The following ALPL variants were observed in gnomAD, a reference collection of about 807,000 sequenced individuals.
ALPL encodes alkaline phosphatase, tissue-nonspecific isozyme.
Under a neutral mutation model 51.3 loss-of-function variants are expected in ALPL, and 42 were observed. That is an observed-to-expected ratio of 0.82 (90% CI 0.64 to 1.06). ALPL has a LOEUF of 1.06. Ranked by LOEUF, ALPL falls within the 50% of genes least tolerant of loss-of-function variation. ALPL has a pLI of 0.00. For synonymous variants in ALPL, 279 were observed against 296.4 expected (o/e 0.94, Z 0.60); for missense variants, 589 against 709.4 (o/e 0.83, Z 1.93).
intron 1 of ALPL, among the ~76,000 whole-genome samples, chr1:21,532,719 T>A (rs915967265): frequency 5.9e-5 from 9 of 152,214 alleles, no homozygotes; most frequent in African/African-American, 2.4e-5. Flanking sequence ...TTCTGGACCT[T>A]GGCATGGGCT....
At chr1:21,563,921 G>A (rs923151578) in intron 5 of ALPL, 120 bp from the exon 6 acceptor site, 83 of 1,322,302 alleles carry the variant, frequency 6.3e-5, no homozygotes, top group Middle Eastern at 2.4e-4. Context: ...ACTGAGACCC[G>A]GGCAATCCTC....
intron 2 of ALPL, among the ~76,000 whole-genome samples, chr1:21,557,225 G>A (rs1189498540): frequency 6.6e-6 from 1 of 152,232 alleles, no homozygotes; most frequent in Non-Finnish European, 1.5e-5. Flanking sequence ...GTCTCCATCT[G>A]TCCAGTGGGG....
At chr1:21,567,092 A>C (rs1309956233) in intron 6 of ALPL, among the ~76,000 whole-genome samples, 1 of 152,126 alleles carries the variant, frequency 6.6e-6, no homozygotes, top group Non-Finnish European at 1.5e-5. Flanking sequence ...CCCCCTGTGC[A>C]TTCCACAAAA....
At chr1:21,572,814 C>T (rs535082150) in intron 8 of ALPL, among the ~76,000 whole-genome samples, 31 of 152,248 alleles carry the variant, frequency 2.0e-4, no homozygotes, top group South Asian at 8.3e-4. Flanking sequence ...AGTGAGAAAA[C>T]GGAGCCCAGT....
chr1:21,564,153 G>A lies in ALPL; in HGVS notation c.585G>A (p.Glu195=). ...DWYSDNEMPP[E]ALSQGCKDIA... is the part of the protein sequence containing the mutation. ...ACTCAGACAACGAGATGCCCCCTGAGGCCTTGAGCCAGGGCTGTAAGGACA... is the reference window on the plus strand; with the variant it reads ...ACTCAGACAACGAGATGCCCCCTGAAGCCTTGAGCCAGGGCTGTAAGGACA... The change falls in exon 6 of 12, where the codon GAG becomes GAA. Residue 195 remains glutamate (E), a synonymous_variant. Coordinates refer to ENST00000374840, the MANE Select transcript of ALPL (RefSeq NM_000478.6). This position sits in a 1 kb window ranked among gnomAD's most constrained non-coding sequence, Gnocchi z 5.8. The A allele has an allele frequency of 6.2e-7, 1 of 1,614,092 alleles. No individual in the cohort carries two copies. The highest frequency in any genetic ancestry group is 8.5e-7 in the Non-Finnish European group (1 of 1,180,020).
chr1:21,560,886 G>A (rs1644475100), intron 3 of ALPL, 141 bp downstream of exon 3: 1 of 1,219,292 alleles, frequency 8.2e-7, no homozygotes, highest in Non-Finnish European at 1.2e-6. Context: ...GGGCCAGGCT[G>A]TGGATTCAAG....
At chr1:21,529,984 A>C (rs61778370) in intron 1 of ALPL, among the ~76,000 whole-genome samples, 21 of 152,148 alleles carry the variant, frequency 1.4e-4, no homozygotes, top group Non-Finnish European at 1.5e-4. Context: ...TGTGTTGCCC[A>C]GGCTGGTCTC....
Position 21,577,912 on chromosome 1 carries a change from G to A in ALPL, c.*264G>A. ...TAGATTTCTCTTGGGCAGGCAGAGA[G>A]TACAGACTGCAGACATTCTCAAAGC... On this transcript the variant is annotated 3_prime_UTR_variant, in exon 12 of 12. Transcript: ENST00000374840. The A allele has an allele frequency of 1.7e-6, 1 of 588,676 alleles. No homozygotes were observed. Among genetic ancestry groups the A allele is most frequent in the Non-Finnish European group, 3.0e-6 (1 of 331,094 alleles). The allele number at this position is 588,676 out of a possible 1,614,324, so 36.5% of individuals were successfully genotyped here.
rs1029558202 is a variant in ALPL, at chr1:21,559,294, G to A, written c.62-1332G>A. Among the ~76,000 whole-genome samples the A allele has an allele frequency of 2.0e-5, 3 of 152,162 alleles. No individual in the cohort carries two copies. The South Asian group carries it at 6.2e-4, about 32-fold the overall frequency. On this transcript the variant is annotated intron_variant, in intron 2 of 11. Transcript: ENST00000374840. ...AGGGGAGCCCCGCAGACTCTGGGAG[G>A]GACTCCAGCTCCCATAGCCAGGGTC...
intron 1 of ALPL, among the ~76,000 whole-genome samples, chr1:21,545,950 G>A (rs1644248956): frequency 1.3e-5 from 2 of 151,828 alleles, no homozygotes; most frequent in Admixed American, 6.6e-5. Flanking sequence ...CGAGTAGCTG[G>A]GATTATAGGC....
intron 1 of ALPL, among the ~76,000 whole-genome samples, chr1:21,535,599 A>G (rs962999415): frequency 6.6e-6 from 1 of 151,946 alleles, no homozygotes; most frequent in Non-Finnish European, 1.5e-5. Flanking sequence ...TGAATGACAG[A>G]GCAAGACCCT....
In ALPL at chr1:21,561,152, C is replaced by T. The variant is rs1644479451; in HGVS notation, c.237C>T (p.His79=). The T allele has an allele frequency of 1.2e-6, 2 of 1,613,716 alleles. No individual in the cohort carries two copies. Among genetic ancestry groups the T allele is most frequent in the Non-Finnish European group, 8.5e-7 (1 of 1,179,916 alleles). Residue 79 remains histidine (H), a synonymous_variant, in exon 4 of 12, where the codon CAC becomes CAT. Transcript: ENST00000374840. ...AARILKGQLH[H]NPGEETRLEM... ...GCATCCTCAAGGGTCAGCTCCACCA[C>T]AACCCTGGGGAGGAGACCAGGCTGG...
At chr1:21,523,344 CAGTAAATGGCT>C (rs1482723449) in intron 1 of ALPL, among the ~76,000 whole-genome samples, 1 of 152,044 alleles carries the variant, frequency 6.6e-6, no homozygotes. Context: ...CTCATTTGTC[CAGTAAATGGCT>C]AGTAAATGAT....
intron 9 of ALPL, chr1:21,574,257 T>G: frequency 1.0e-6 from 1 of 967,186 alleles, no homozygotes; most frequent in Non-Finnish European, 1.2e-6. Flanking sequence ...CGGTGTGACC[T>G]CTACCTGTGC....
At chr1:21,520,182 A>C (rs533923955) in intron 1 of ALPL, among the ~76,000 whole-genome samples, 1 of 152,126 alleles carries the variant, frequency 6.6e-6, no homozygotes, top group African/African-American at 2.4e-5. Context: ...GCTGGAGTTC[A>C]GGCACGATCA....
At chr1:21,570,815 G>C (rs1166863052) in intron 8 of ALPL, among the ~76,000 whole-genome samples, 4 of 152,244 alleles carry the variant, frequency 2.6e-5, no homozygotes, top group Non-Finnish European at 5.9e-5. Flanking sequence ...TCCCCAGGCA[G>C]TGGGGAGCAT....
At chr1:21,563,513 G>T (rs188487892) in intron 5 of ALPL, among the ~76,000 whole-genome samples, 1 of 152,194 alleles carries the variant, frequency 6.6e-6, no homozygotes, top group Non-Finnish European at 1.5e-5. Flanking sequence ...TCTCTGAGTC[G>T]ATTCTTCATT....
At chr1:21,523,035 C>T (rs1643899684) in intron 1 of ALPL, among the ~76,000 whole-genome samples, 1 of 152,186 alleles carries the variant, frequency 6.6e-6, no homozygotes, top group Admixed American at 6.5e-5. Context: ...CCTGTAATCC[C>T]AGCACTTTGG....
intron 1 of ALPL, among the ~76,000 whole-genome samples, chr1:21,519,450 C>T (rs1008471503): frequency 1.3e-5 from 2 of 152,234 alleles, no homozygotes; most frequent in East Asian, 1.9e-4. Flanking sequence ...GAGCCTTCCA[C>T]GTTTACACAT....
Sources: allele counts gnomAD v4.1 joint callset (sites outside exome capture counted in the v4.1 genomes callset), GRCh38; gene constraint gnomAD v4.1.1; non-coding constraint Gnocchi (gnomAD v3.1); transcripts MANE v1.5; gene names NCBI Gene and HGNC (gene_info 2026-07-23, HGNC 2026-07-21).